PALM: variants seen among roughly 807,000 people sequenced by gnomAD.
The protein encoded by PALM is paralemmin-1.
In PALM, 18 loss-of-function variants were observed where a neutral mutation model predicts 30.7. The observed-to-expected ratio is 0.59, with a 90% CI of 0.41 to 0.87. PALM has a LOEUF of 0.87. Among genes scored for constraint, PALM ranks in the 40% least tolerant of loss-of-function variants. The pLI is 0.00. For synonymous variants in PALM, 286 were observed against 242.8 expected, an observed-to-expected ratio of 1.18 and a Z score of -1.66; for missense variants, 529 against 555.4, an observed-to-expected ratio of 0.95 and a Z score of 0.48.
intron 8 of PALM, among the ~76,000 whole-genome samples, chr19:745,281 G>C (rs2038267363): frequency 1.3e-5 from 2 of 152,252 alleles, no homozygotes. Context: ...GCAGGGGTTT[G>C]GCTCTGTGAC....
At chr19:726,610 C>T (rs964346192) in intron 2 of PALM, among the ~76,000 whole-genome samples, 6 of 152,132 alleles carry the variant, frequency 3.9e-5, no homozygotes, top group African/African-American at 1.4e-4. Flanking sequence ...TCAAGTGACT[C>T]TCCTGCCTCA....
chr19:723,282 C>G (rs956432999), intron 1 of PALM, among the ~76,000 whole-genome samples: 6 of 152,162 alleles, frequency 3.9e-5, no homozygotes, highest in African/African-American at 1.4e-4. Context: ...TGACACCAGG[C>G]TGAGAGGGCT....
intron 7 of PALM, among the ~76,000 whole-genome samples, chr19:739,443 G>A (rs887802190): frequency 6.6e-6 from 1 of 152,186 alleles, no homozygotes; most frequent in Non-Finnish European, 1.5e-5. Context: ...GCTTTGGGAG[G>A]CTGAGGTGGG....
intron 7 of PALM, among the ~76,000 whole-genome samples, chr19:737,266 C>G (rs1241147162): frequency 2.6e-5 from 4 of 152,180 alleles, no homozygotes; most frequent in Non-Finnish European, 4.4e-5. Flanking sequence ...TGGCAGACAC[C>G]GAGGCCCAGG....
intron 1 of PALM, among the ~76,000 whole-genome samples, chr19:715,124 C>T (rs1053283971): frequency 5.9e-5 from 9 of 152,246 alleles, no homozygotes; most frequent in Non-Finnish European, 8.8e-5. Flanking sequence ...ATTAGCCGGG[C>T]GGGCGTGGTG....
intron 1 of PALM, among the ~76,000 whole-genome samples, chr19:712,766 C>G (rs1194056360): frequency 6.6e-6 from 1 of 151,500 alleles, no homozygotes; most frequent in Non-Finnish European, 1.5e-5. Flanking sequence ...ACCTCTGCCT[C>G]CTGGGTTCAA....
At position 710,565 on chromosome 19, in the gene PALM, C is replaced by T. The variant is rs569701688; in HGVS notation, c.5+1414C>T. Reference sequence around the variant, plus strand: ...CTCCCTCCCAGAGGAGGGGTGTCAGCGAACACTCCGGGTCGGGCCCATTGT... The same window carrying T: ...CTCCCTCCCAGAGGAGGGGTGTCAGTGAACACTCCGGGTCGGGCCCATTGT... On this transcript the variant is annotated intron_variant, in intron 1 of 8. Transcript: ENST00000338448. Among the ~76,000 whole-genome samples the T allele has an allele frequency of 1.3e-4, 20 of 152,200 alleles. 2 individuals are homozygous for T. Among genetic ancestry groups the T allele is most frequent in the African/African-American group, 4.1e-4 (17 of 41,528 alleles).
intron 1 of PALM, chr19:719,229 C>G: frequency 1.0e-6 from 1 of 985,580 alleles, no homozygotes; most frequent in Non-Finnish European, 1.2e-6. Context: ...GGACAGGGCC[C>G]GCCCTGCTCG....
intron 1 of PALM, among the ~76,000 whole-genome samples, chr19:719,921 C>T (rs149580539): frequency 6.6e-6 from 1 of 152,126 alleles, no homozygotes; most frequent in Non-Finnish European, 1.5e-5. Context: ...GCGTCGTGGT[C>T]ATATTTCGCT....
At chr19:735,920 C>T (rs1053038483) in intron 6 of PALM, 99 bp from the exon 7 acceptor site, 2 of 967,468 alleles carry the variant, frequency 2.1e-6, no homozygotes, top group African/African-American at 3.3e-5. Flanking sequence ...ATGTGGGAGT[C>T]CGGATGCACT....
intron 1 of PALM, among the ~76,000 whole-genome samples, chr19:722,044 G>A (rs577750322): frequency 2.0e-4 from 31 of 151,808 alleles, no homozygotes; most frequent in African/African-American, 6.3e-4. Context: ...TCAGCCTCCC[G>A]AGTAGCTGGG....
chr19:722,164 C>T (rs552986658), intron 1 of PALM, among the ~76,000 whole-genome samples: 59 of 151,944 alleles, frequency 3.9e-4, no homozygotes, highest in Middle Eastern at 3.4e-3. Context: ...GTGATCCGCC[C>T]GCCTCGGCCT....
intron 7 of PALM, 79 bp downstream of exon 7, chr19:736,157 G>A (rs1018493160): frequency 3.1e-5 from 32 of 1,025,574 alleles, no homozygotes; most frequent in Non-Finnish European, 4.5e-5. Context: ...GCCGGGTGGG[G>A]CGGGGGCGAC....
In PALM at chr19:736,008, C is replaced by T. The variant is rs1413428606; in HGVS notation, c.443-11C>T. 2 of 1,606,986 alleles carry T rather than the reference C, an allele frequency of 1.2e-6. No individual in the cohort carries two copies. Among genetic ancestry groups the T allele is most frequent in the East Asian group, 2.3e-5 (1 of 44,352 alleles). ...CCCTCATCTCTCTCTCCGCTTCCAC[C>T]TCCCGTGCAGACAAGCGAGTCTCCA... is the stretch of plus-strand genomic sequence containing the variant. On this transcript the variant is annotated splice_polypyrimidine_tract_variant and intron_variant, in intron 6 of 8. Transcript: ENST00000338448.
At chr19:718,651 C>T (rs1039683558) in intron 1 of PALM, among the ~76,000 whole-genome samples, 1 of 152,102 alleles carries the variant, frequency 6.6e-6, no homozygotes, top group African/African-American at 2.4e-5. Context: ...TGCCGTAACC[C>T]GTTTAGGGTT....
At position 747,338 on chromosome 19, in the gene PALM, G is replaced by T. The variant is rs2033379695; in HGVS notation, c.*524G>T. The stretch of plus-strand genomic sequence containing the variant: ...CTGGCCCCCCAATCTCAGGCAGTTG[G>T]GGTGAGGCCGTGCCTCTTTGGGGGC... On this transcript the variant is annotated 3_prime_UTR_variant, in exon 9 of 9. Coordinates refer to ENST00000338448, the MANE Select transcript of PALM (RefSeq NM_002579.3). 6.3e-6 allele frequency: 1 copy of T among 157,518 alleles called. No individual in the cohort carries two copies. The highest frequency in any genetic ancestry group is 1.9e-4 in the East Asian group (1 of 5,266). 9.8% of individuals were successfully genotyped at this position (157,518 alleles called of 1,614,324 possible). A position where few individuals can be genotyped will look rare whatever the true frequency, so the allele number is the denominator to read the frequency against.
intron 1 of PALM, among the ~76,000 whole-genome samples, chr19:723,158 G>A (rs748655227): frequency 2.6e-5 from 4 of 152,082 alleles, no homozygotes; most frequent in Non-Finnish European, 5.9e-5. Flanking sequence ...CAAGGGGGAC[G>A]TCATAGGAGG....
intron 1 of PALM, among the ~76,000 whole-genome samples, chr19:714,716 C>T (rs8102773): frequency 0.45 from 68,675 of 151,516 alleles, 15,627 homozygotes; most frequent in Non-Finnish European, 0.47. Context: ...GAGGTGTGAT[C>T]ATAGCTCACT....
intron 3 of PALM, 69 bp downstream of exon 3, chr19:727,157 G>A (rs540955130): frequency 1.6e-5 from 17 of 1,042,356 alleles, no homozygotes; most frequent in South Asian, 6.9e-5. Context: ...CCGGACTCCT[G>A]CCCAACCCTG....
Sources: gnomAD v4.1 joint callset for allele counts (sites outside exome capture counted in the v4.1 genomes callset) on GRCh38, gnomAD v4.1.1 for gene constraint, MANE v1.5 for transcripts, NCBI Gene and HGNC (gene_info 2026-07-23, HGNC 2026-07-21) for gene names.